Variants in DRP2 observed in about 807,000 individuals in gnomAD.
The protein encoded by DRP2 is dystrophin related protein 2.
Under a neutral mutation model 78.2 loss-of-function variants are expected in DRP2, and 29 were observed. The observed-to-expected ratio is 0.37, with a 90% confidence interval of 0.28 to 0.51. The LOEUF is 0.51. Among genes scored for constraint, DRP2 ranks in the 20% least tolerant of loss-of-function variants. The pLI is 0.94. For missense variants in DRP2, 686 were observed against 770.6 expected (o/e 0.89, Z 1.30); for synonymous variants, 290 against 281.9 (o/e 1.03, Z -0.29).
At position 101,254,891 on chromosome X, in the gene DRP2, A is replaced by G. The variant is rs1488884411; in HGVS notation, c.2147A>G (p.Asp716Gly). 1 of 1,211,822 alleles carries G rather than the reference A, an allele frequency of 8.3e-7. No homozygotes were observed. The highest frequency in any genetic ancestry group is 1.1e-6 in the Non-Finnish European group (1 of 895,575). ...TCTTCCCCGATGTGGCCACACGCCG[A>G]CACACACTCCCGAATTGAGCATTTT... ...PASSPMWPHA[D>G]THSRIEHFAS... Residue 716 changes from aspartate (D) to glycine (G), a missense_variant, in exon 19 of 24, where the codon GAC becomes GGC. Coordinates refer to ENST00000395209, the MANE Select transcript of DRP2 (RefSeq NM_001939.3).
At position 101,261,404 on chromosome X, in the gene DRP2, C is replaced by T. The variant is rs1240895637; in HGVS notation, c.*783C>T. The T allele has an allele frequency of 1.8e-5, 2 of 110,789 alleles. No homozygotes were observed. The highest frequency in any genetic ancestry group is 3.8e-5 in the Non-Finnish European group (2 of 52,926). 9.1% of individuals were successfully genotyped at this position (110,789 alleles called of 1,213,427 possible). A position where few individuals can be genotyped will look rare whatever the true frequency, so the allele number is the denominator to read the frequency against. ...GCATTTTGAGAGACCCACTGAGTTG[C>T]GAGTTGCTCTGGAAACCTGGCTGAA... On this transcript the variant is annotated 3_prime_UTR_variant, in exon 24 of 24. Coordinates refer to ENST00000395209, the MANE Select transcript of DRP2 (RefSeq NM_001939.3).
intron 21 of DRP2, 85 bp downstream of exon 21, chrX:101,256,346 G>C (rs1225305359): frequency 2.2e-6 from 2 of 927,229 alleles, no homozygotes; most frequent in East Asian, 6.7e-5. Context: ...CATCCTAGCT[G>C]TCTGACCTTG....
intron 11 of DRP2, 29 bp from the exon 12 acceptor site, chrX:101,247,061 C>T (rs371678834): frequency 8.4e-7 from 1 of 1,193,100 alleles, no homozygotes; most frequent in Non-Finnish European, 1.1e-6. Flanking sequence ...TTTTTCTGAT[C>T]TGAGTGGGTC....
chrX:101,223,413 C>A (rs1165043248), intron 1 of DRP2, among the ~76,000 whole-genome samples: 1 of 112,223 alleles, frequency 8.9e-6, no homozygotes, highest in Non-Finnish European at 1.9e-5. Context: ...AATGACTATA[C>A]CACACTTTAT....
At chrX:101,244,192 G>A (rs1922844737) in intron 9 of DRP2, among the ~76,000 whole-genome samples, 1 of 111,127 alleles carries the variant, frequency 9.0e-6, no homozygotes, top group Non-Finnish European at 1.9e-5. Flanking sequence ...AGCAAGAGTG[G>A]GAACAGGGAG....
At chrX:101,234,765 G>C (rs189127381) in intron 3 of DRP2, among the ~76,000 whole-genome samples, 1 of 110,470 alleles carries the variant, frequency 9.1e-6, no homozygotes, top group Admixed American at 9.6e-5. Context: ...TCCCTTTCTC[G>C]GTGTGGCTGT....
rs1923325925 is a variant in DRP2 at position 101,256,104 on chromosome X, C to G, written c.2247-14C>G. On this transcript the variant is annotated splice_polypyrimidine_tract_variant and intron_variant, in intron 20 of 23. Transcript: ENST00000395209. ...CAACTGGTCACCTACTCTGCTTTCC[C>G]CACACCCATGCAGAGACGAGGACCA... 8.6e-7 allele frequency: 1 copy of G among 1,159,713 alleles called. No individual in the cohort carries two copies. The highest frequency in any genetic ancestry group is 2.7e-5 in the Admixed American group (1 of 37,525).
intron 4 of DRP2, 38 bp from the exon 5 acceptor site, chrX:101,237,581 G>C (rs1922553910): frequency 7.8e-6 from 8 of 1,024,796 alleles, no homozygotes; most frequent in Non-Finnish European, 1.0e-5. Flanking sequence ...CACTTAAAAA[G>C]AAGACTGAAC....
In DRP2 at chrX:101,237,781, T is replaced by C. The variant is rs1031243740; in HGVS notation, c.438+6T>C. On this transcript the variant is annotated splice_donor_region_variant and intron_variant, in intron 5 of 23. Coordinates refer to ENST00000395209, the MANE Select transcript of DRP2 (RefSeq NM_001939.3). ...AGGAGAAGGAGACACATGCGGTAGG[T>C]TAGAATCAGAGAAGCCGTGGTGTGT... The C allele has an allele frequency of 2.3e-5, 26 of 1,125,575 alleles. No homozygotes were observed. The highest frequency in any genetic ancestry group is 3.1e-5 in the Non-Finnish European group (26 of 846,383). The allele number at this position is 1,125,575 out of a possible 1,213,427, so 92.8% of individuals were successfully genotyped here.
chrX:101,229,437 G>T (rs1212120310), intron 2 of DRP2, among the ~76,000 whole-genome samples: 1 of 111,430 alleles, frequency 9.0e-6, no homozygotes, highest in Admixed American at 9.6e-5. Flanking sequence ...CTTGTGATTT[G>T]TAATAATCTC....
chrX:101,258,187 G>C (rs1923417986), intron 21 of DRP2, 122 bp from the exon 22 acceptor site: 2 of 549,512 alleles, frequency 3.6e-6, no homozygotes, highest in African/African-American at 4.8e-5. Flanking sequence ...GGATGGGGGT[G>C]GGGGTGAGGT....
chrX:101,244,278 A>G (rs1366941178), intron 9 of DRP2, among the ~76,000 whole-genome samples: 1 of 111,853 alleles, frequency 8.9e-6, no homozygotes, highest in Non-Finnish European at 1.9e-5. Flanking sequence ...GTAGCAGTGG[A>G]GATGGTGAGA....
chrX:101,262,868 C>T lies in DRP2; in HGVS notation c.*2247C>T, dbSNP rs1177022141. 1.8e-5 allele frequency: 2 copies of T among 110,895 alleles called. No individual in the cohort carries two copies. The highest frequency in any genetic ancestry group is 1.9e-4 in the Admixed American group (2 of 10,397). The allele number at this position is 110,895 out of a possible 1,213,427, so 9.1% of individuals were successfully genotyped here. A position where few individuals can be genotyped will look rare whatever the true frequency, so the allele number is the denominator to read the frequency against. The stretch of plus-strand genomic sequence containing the variant: ...AAGGACTTTGGAGGCATATGCCTGC[C>T]TAAGCCTTAGGCGGGTACATGTTAT... On this transcript the variant is annotated 3_prime_UTR_variant, in exon 24 of 24. Transcript: ENST00000395209.
chrX:101,244,347 T>C (rs1922850047), intron 9 of DRP2, among the ~76,000 whole-genome samples: 1 of 111,766 alleles, frequency 8.9e-6, no homozygotes, highest in Non-Finnish European at 1.9e-5. Context: ...ATCTGGCACA[T>C]AGTAGGAGCT....
intron 16 of DRP2, 47 bp downstream of exon 16, chrX:101,251,130 G>A (rs1923127783): frequency 9.2e-7 from 1 of 1,088,119 alleles, no homozygotes. Context: ...AATATGTCAT[G>A]TGACATATAA....
rs993285985 is a variant in DRP2 at position 101,263,905 on chromosome X, A to C, written c.*3284A>C. On this transcript the variant is annotated 3_prime_UTR_variant, in exon 24 of 24. Coordinates refer to ENST00000395209, the MANE Select transcript of DRP2 (RefSeq NM_001939.3). ...TGCTTGAGATTTGGGCTCTATATCC[A>C]GCATTTGAACTCACATTCTCAGTGG... 4 of 111,733 alleles carry C rather than the reference A, an allele frequency of 3.6e-5. No homozygotes were observed. The highest frequency in any genetic ancestry group is 1.3e-4 in the African/African-American group (4 of 30,733). The allele number at this position is 111,733 out of a possible 1,213,427, so 9.2% of individuals were successfully genotyped here. A position where few individuals can be genotyped will look rare whatever the true frequency, so the allele number is the denominator to read the frequency against.
chrX:101,226,231 A>T (rs921482511), intron 2 of DRP2, among the ~76,000 whole-genome samples: 1 of 112,030 alleles, frequency 8.9e-6, no homozygotes. Flanking sequence ...ACCATTATTT[A>T]ATTAGTCCCC....
intron 6 of DRP2, among the ~76,000 whole-genome samples, chrX:101,239,652 A>G (rs943514620): frequency 9.0e-6 from 1 of 111,010 alleles, no homozygotes; most frequent in African/African-American, 3.3e-5. Context: ...ATCTTGGCCC[A>G]CTGCAAGCTC....
At chrX:101,245,551 C>T (rs111853800) in intron 11 of DRP2, 102 bp downstream of exon 11, 5 of 639,690 alleles carry the variant, frequency 7.8e-6, no homozygotes, top group African/African-American at 6.6e-5. Context: ...GTGGTATATC[C>T]ATGTAATGGA....
Sources: allele counts gnomAD v4.1 joint callset (sites outside exome capture counted in the v4.1 genomes callset), GRCh38; gene constraint gnomAD v4.1.1; transcripts MANE v1.5; gene names NCBI Gene and HGNC (gene_info 2026-07-23, HGNC 2026-07-21).